Variants in NSUN6 observed in about 807,000 individuals in gnomAD.
The protein encoded by NSUN6 is NOP2/Sun RNA methyltransferase 6.
Under a neutral mutation model 58.0 loss-of-function variants are expected in NSUN6, and 64 were observed. That is an observed-to-expected ratio of 1.10 (90% CI 0.90 to 1.36). NSUN6 has a LOEUF of 1.36. NSUN6 is among the 40% of genes most tolerant of loss of function. The pLI, the probability that NSUN6 is intolerant of heterozygous loss-of-function variation, is 0.00. For synonymous variants in NSUN6, 231 were observed against 193.9 expected (o/e 1.19, Z -1.59); for missense variants, 701 against 550.1 (o/e 1.27, Z -2.74).
At chr10:18,559,547 T>C (rs988142632) in intron 8 of NSUN6, among the ~76,000 whole-genome samples, 2 of 142,006 alleles carry the variant, frequency 1.4e-5, no homozygotes, top group Non-Finnish European at 3.1e-5. Context: ...GAGTGGAGAA[T>C]AGAAACGAAT....
At chr10:18,567,988 A>G (rs1173242879) in intron 8 of NSUN6, among the ~76,000 whole-genome samples, 1 of 146,466 alleles carries the variant, frequency 6.8e-6, no homozygotes, top group African/African-American at 2.5e-5. Flanking sequence ...ATTCCATTCC[A>G]TTCTCCATTC....
rs2059706790 is a variant in NSUN6 at position 18,651,559 on chromosome 10, A to G, written c.-356T>C. ...ACGCAGATCAGTAAGCCAGGCTGAC[A>G]GCAGCTCGGTCCCTTTATCTTTTCT... On this transcript the variant is annotated 5_prime_UTR_variant, in exon 1 of 11. Coordinates refer to ENST00000377304, the MANE Select transcript of NSUN6 (RefSeq NM_182543.5). 1.3e-5 allele frequency: 13 copies of G among 1,004,448 alleles called. No homozygotes were observed. Among genetic ancestry groups the G allele is most frequent in the African/African-American group, 1.7e-5 (1 of 58,258 alleles). 62.2% of individuals were successfully genotyped at this position (1,004,448 alleles called of 1,614,324 possible). A position where few individuals can be genotyped will look rare whatever the true frequency, so the allele number is the denominator to read the frequency against.
rs756131086 is a variant in NSUN6 at position 18,614,566 on chromosome 10, T to A, written c.469A>T (p.Lys157Ter). Residue 157 changes from lysine (K) to a stop codon, truncating the protein, a stop_gained, in exon 5 of 11, where the codon AAA (lysine) becomes TAA (stop). Coordinates refer to ENST00000377304, the MANE Select transcript of NSUN6 (RefSeq NM_182543.5). LOFTEE classifies it high-confidence loss of function. ...AATTCTTTGGCTCCTTTCTTACATTTTCCTTTAATATCAGAGTATACAGAA... is the reference window on the plus strand; with the variant it reads ...AATTCTTTGGCTCCTTTCTTACATTATCCTTTAATATCAGAGTATACAGAA... ...VISVYSDIKGKCKKGAKEFDG... is the reference protein window; with the variant it reads ...VISVYSDIKG 1.3e-6 allele frequency: 2 copies of A among 1,518,912 alleles called. No homozygotes were observed. The highest frequency in any genetic ancestry group is 1.2e-5 in the South Asian group (1 of 81,544). The allele number at this position is 1,518,912 out of a possible 1,614,324, so 94.1% of individuals were successfully genotyped here.
chr10:18,643,251 G>C (rs1176100016), intron 2 of NSUN6, among the ~76,000 whole-genome samples: 1 of 151,290 alleles, frequency 6.6e-6, no homozygotes, highest in Admixed American at 6.6e-5. Flanking sequence ...GCATACCACT[G>C]TCACAAGCAG....
At chr10:18,585,483 A>C (rs1405959885) in intron 8 of NSUN6, among the ~76,000 whole-genome samples, 1 of 152,256 alleles carries the variant, frequency 6.6e-6, no homozygotes, top group Admixed American at 6.5e-5. Flanking sequence ...AAACAAAAAG[A>C]AATTATGTTG....
chr10:18,550,173 G>C (rs939215568), intron 9 of NSUN6, among the ~76,000 whole-genome samples: 1 of 152,194 alleles, frequency 6.6e-6, no homozygotes, highest in Non-Finnish European at 1.5e-5. Flanking sequence ...CATTTTTGCT[G>C]TGACCTAATA....
chr10:18,548,375 GTAAT>G, intron 9 of NSUN6, 138 bp from the exon 10 acceptor site: 1 of 701,510 alleles, frequency 1.4e-6, no homozygotes, highest in Non-Finnish European at 2.3e-6. Flanking sequence ...GATTCCTTCT[GTAAT>G]TAGAGTATGC....
intron 7 of NSUN6, 36 bp downstream of exon 7, chr10:18,596,172 A>G (rs773200461): frequency 1.6e-5 from 25 of 1,561,624 alleles, no homozygotes. Context: ...AATATACACT[A>G]CTTTGAGAGT....
rs2054206392 is a variant in NSUN6 at position 18,545,620 on chromosome 10, C to G, written c.*313G>C. The G allele has an allele frequency of 5.0e-6, 1 of 200,806 alleles. No homozygotes were observed. The allele number at this position is 200,806 out of a possible 1,614,324, so 12.4% of individuals were successfully genotyped here. A position where few individuals can be genotyped will look rare whatever the true frequency, so the allele number is the denominator to read the frequency against. On this transcript the variant is annotated 3_prime_UTR_variant, in exon 11 of 11. Transcript: ENST00000377304. ...CACTAATTTTTAACATTAAAAATGA[C>G]TTGTACACTTTACAAATTAAAACAT...
chr10:18,623,627 G>T (rs1055556202), intron 3 of NSUN6, among the ~76,000 whole-genome samples: 2 of 152,132 alleles, frequency 1.3e-5, no homozygotes, highest in Non-Finnish European at 2.9e-5. Context: ...AAGAAGAAAT[G>T]GATTGTCAGA....
intron 10 of NSUN6, among the ~76,000 whole-genome samples, chr10:18,546,742 G>T (rs891221490): frequency 1.3e-5 from 2 of 152,044 alleles, no homozygotes; most frequent in Non-Finnish European, 2.9e-5. Context: ...GCCAGGTGTG[G>T]TGGTGCATGC....
chr10:18,557,058 A>G (rs1039954201), intron 8 of NSUN6, among the ~76,000 whole-genome samples: 4 of 150,824 alleles, frequency 2.7e-5, no homozygotes, highest in African/African-American at 9.7e-5. Flanking sequence ...ATGGAATGGA[A>G]AATGGAATGG....
In NSUN6 at chr10:18,627,814, G is replaced by A. The variant is rs190501637; in HGVS notation, c.312-11521C>T. Among the ~76,000 whole-genome samples, 9 of 152,256 alleles carry A rather than the reference G, an allele frequency of 5.9e-5. No homozygotes were observed. In the East Asian group the frequency reaches 9.6e-4, roughly 16 times the overall value. On this transcript the variant is annotated intron_variant, in intron 3 of 10. Transcript: ENST00000377304. ...GCAGTCTGAGATCAAACTGTAAGGC[G>A]GCAGCCAGGCTGGGGGAGGGGCGCC...
At chr10:18,551,241 CA>C (rs1221108022) in intron 9 of NSUN6, among the ~76,000 whole-genome samples, 20 of 69,360 alleles carry the variant, frequency 2.9e-4, no homozygotes, top group Non-Finnish European at 5.9e-5. Context: ...TAGGTCCTCT[CA>C]GTTGTGTGTG....
chr10:18,567,215 T>G (rs969894849), intron 8 of NSUN6, among the ~76,000 whole-genome samples: 1 of 149,976 alleles, frequency 6.7e-6, no homozygotes, highest in African/African-American at 2.4e-5. Flanking sequence ...CTGTATTCCA[T>G]TCCCTTCTAT....
intron 8 of NSUN6, among the ~76,000 whole-genome samples, chr10:18,579,036 AG>A (rs2056789119): frequency 6.6e-6 from 1 of 152,234 alleles, no homozygotes; most frequent in Non-Finnish European, 1.5e-5. Context: ...GACCTTTCTT[AG>A]AACAGGCTAG....
intron 3 of NSUN6, among the ~76,000 whole-genome samples, chr10:18,627,619 G>C (rs1222219437): frequency 2.6e-5 from 4 of 152,232 alleles, no homozygotes; most frequent in Non-Finnish European, 5.9e-5. Context: ...GGGTCAGGGA[G>C]TTCCCTTTCC....
chr10:18,650,978 G>A lies in NSUN6; in HGVS notation c.75+151C>T, dbSNP rs959809456. The A allele has an allele frequency of 1.8e-5, 15 of 831,562 alleles. No homozygotes were observed. The Admixed American group carries it at 5.2e-4, about 29-fold the overall frequency. 51.5% of individuals were successfully genotyped at this position (831,562 alleles called of 1,614,324 possible). On this transcript the variant is annotated intron_variant, in intron 1 of 10. Coordinates refer to ENST00000377304, the MANE Select transcript of NSUN6 (RefSeq NM_182543.5). ...CGTATCTCAGTAAGCTTTAATACCTGTAGAAACATATTGGTATTTTTACAC... is the reference window on the plus strand; with the variant it reads ...CGTATCTCAGTAAGCTTTAATACCTATAGAAACATATTGGTATTTTTACAC...
rs141334371 is a variant in NSUN6, at chr10:18,547,029, C to A, written c.1198-884G>T. ...ACAGTTTCCAAAACTGAAAGGTGGT[C>A]TTTGGGCATCTAAGGTACCTCTCTC... On this transcript the variant is annotated intron_variant, in intron 10 of 10. Transcript: ENST00000377304. 4.3e-3 allele frequency among the ~76,000 whole-genome samples: 652 copies of A among 152,190 alleles called. 3 individuals carry two copies. The highest frequency in any genetic ancestry group is 9.2e-3 in the Admixed American group (141 of 15,294).
Sources: allele counts gnomAD v4.1 joint callset (sites outside exome capture counted in the v4.1 genomes callset), GRCh38; gene constraint gnomAD v4.1.1; transcripts MANE v1.5; gene names NCBI Gene and HGNC (gene_info 2026-07-23, HGNC 2026-07-21).